IPO11: variants seen among roughly 807,000 people sequenced by gnomAD.
IPO11 encodes the protein importin 11.
A neutral mutation model predicts 143.2 loss-of-function variants in IPO11; 66 were observed. The ratio of observed to expected loss-of-function variants is 0.46; its 90% CI spans 0.38 to 0.57. The LOEUF is 0.57. IPO11 is among the 20% of genes least tolerant of loss of function. The pLI is 0.00. For missense variants in IPO11, 1,026 were observed against 1,141.0 expected, an observed-to-expected ratio of 0.90 and a Z score of 1.45; for synonymous variants, 385 against 377.8, an observed-to-expected ratio of 1.02 and a Z score of -0.22.
chr5:62,569,613 G>C (rs1269272617), intron 27 of IPO11, among the ~76,000 whole-genome samples: 1 of 152,158 alleles, frequency 6.6e-6, no homozygotes. Context: ...AGTAACAAGG[G>C]GAGGGTTCTT....
At chr5:62,514,720 G>A (rs115337845) in intron 19 of IPO11, among the ~76,000 whole-genome samples, 137 of 152,314 alleles carry the variant, frequency 9.0e-4, no homozygotes, top group Middle Eastern at 3.4e-3. Context: ...AAATACTGGA[G>A]CTGAAACGCT....
At chr5:62,442,799 G>A (rs1323939202) in intron 2 of IPO11, among the ~76,000 whole-genome samples, 184 bp from the exon 3 acceptor site, 6 of 152,082 alleles carry the variant, frequency 3.9e-5, no homozygotes, top group African/African-American at 1.4e-4. Flanking sequence ...GGGAGGCGGA[G>A]GTTGCAGTGA....
rs187710837 is a variant in IPO11, at chr5:62,470,391, A to G, written c.708+83A>G. On this transcript the variant is annotated intron_variant, in intron 7 of 29. Coordinates refer to ENST00000325324, the MANE Select transcript of IPO11 (RefSeq NM_016338.5). ...TGAAAGAGTGCTCTTTTTATTTGGC[A>G]TTCAATTAGAAGAGTTTTTATTAAG... 1.5e-5 allele frequency: 18 copies of G among 1,190,846 alleles called. No homozygotes were observed. The Admixed American group carries it at 1.6e-4, about 11-fold the overall frequency. 73.8% of individuals were successfully genotyped at this position (1,190,846 alleles called of 1,614,324 possible).
chr5:62,517,595 G>A (rs1003112023), intron 20 of IPO11, among the ~76,000 whole-genome samples: 2 of 152,098 alleles, frequency 1.3e-5, no homozygotes, highest in African/African-American at 4.8e-5. Context: ...TAGAGATGGG[G>A]TTTCTCCATG....
At chr5:62,491,670 T>G (rs1293373140) in intron 15 of IPO11, among the ~76,000 whole-genome samples, 1 of 150,640 alleles carries the variant, frequency 6.6e-6, no homozygotes, top group Non-Finnish European at 1.5e-5. Flanking sequence ...TAATAAGTTT[T>G]TTTTTTTTTT....
At chr5:62,589,235 T>C (rs1321728438) in intron 27 of IPO11, among the ~76,000 whole-genome samples, 1 of 152,174 alleles carries the variant, frequency 6.6e-6, no homozygotes, top group African/African-American at 2.4e-5. Context: ...ATTACCCTAT[T>C]GTTTCCCTCC....
intron 1 of IPO11, among the ~76,000 whole-genome samples, chr5:62,429,618 G>A (rs1041711478): frequency 6.7e-6 from 1 of 149,162 alleles, no homozygotes. Flanking sequence ...GTGTGTGTGT[G>A]TGTGTGTGTA....
At chr5:62,487,027 TAA>T (rs1168896498) in intron 12 of IPO11, among the ~76,000 whole-genome samples, 6 of 152,140 alleles carry the variant, frequency 3.9e-5, no homozygotes, top group Non-Finnish European at 8.8e-5. Context: ...AAAATTTAAA[TAA>T]AAAATTATTT....
At chr5:62,560,074 A>G (rs1317997997) in intron 26 of IPO11, among the ~76,000 whole-genome samples, 2 of 152,182 alleles carry the variant, frequency 1.3e-5, no homozygotes, top group African/African-American at 2.4e-5. Flanking sequence ...TGGCAAGACA[A>G]TTAAAGGTAC....
At chr5:62,418,928 C>A in intron 1 of IPO11, 1 of 1,455,916 alleles carries the variant, frequency 6.9e-7, no homozygotes. Context: ...GATACAGTCA[C>A]GAGTTGCTTA....
chr5:62,460,012 A>G, intron 5 of IPO11, among the ~76,000 whole-genome samples: 1 of 152,250 alleles, frequency 6.6e-6, no homozygotes, highest in East Asian at 1.9e-4. Flanking sequence ...CTAATAGTCA[A>G]CATTTTGCTG....
At chr5:62,465,620 A>G (rs1004680772) in intron 5 of IPO11, among the ~76,000 whole-genome samples, 8 of 152,204 alleles carry the variant, frequency 5.3e-5, no homozygotes, top group Non-Finnish European at 1.0e-4. Context: ...ATTAGTATTC[A>G]ACAGTTTGAT....
At chr5:62,579,985 C>A in intron 27 of IPO11, 1 of 1,551,160 alleles carries the variant, frequency 6.4e-7, no homozygotes, top group South Asian at 1.2e-5. Flanking sequence ...GGTTGCTCTT[C>A]GGATACTTGA....
chr5:62,523,602 C>A (rs1349859217), intron 20 of IPO11, among the ~76,000 whole-genome samples: 2 of 152,112 alleles, frequency 1.3e-5, no homozygotes, highest in Non-Finnish European at 2.9e-5. Flanking sequence ...GGAGATATTT[C>A]TTCTTCTTTG....
rs1329712729 is a variant in IPO11 at position 62,435,116 on chromosome 5, A to ATG, written c.-6-2156_-6-2155dup. Among the ~76,000 whole-genome samples, 364 of 52,006 alleles carry ATG rather than the reference A, an allele frequency of 7.0e-3. 5 individuals carry two copies. The highest frequency in any genetic ancestry group is 0.014 in the South Asian group (25 of 1,774). 34.1% of individuals were successfully genotyped at this position (52,006 alleles called of 152,430 possible). A position where few individuals can be genotyped will look rare whatever the true frequency, so the allele number is the denominator to read the frequency against. The stretch of plus-strand genomic sequence containing the variant: ...TGTATATATGTATATATATGTATAT[A>ATG]TGTATATATGTATATATATGTATAT... On this transcript the variant is annotated intron_variant, in intron 1 of 29. Transcript: ENST00000325324.
rs554363756 is a variant in IPO11, at chr5:62,467,341, T to C, written c.649+78T>C. ...CACCAAATAGTTCCTTTAGACGGGT[T>C]TTCTGTTCCCAGTTTCACTGGAAAA... is the stretch of plus-strand genomic sequence containing the variant. On this transcript the variant is annotated intron_variant, in intron 6 of 29. Coordinates refer to ENST00000325324, the MANE Select transcript of IPO11 (RefSeq NM_016338.5). 1.9e-5 allele frequency: 27 copies of C among 1,413,216 alleles called. No individual in the cohort carries two copies. In the African/African-American group the frequency reaches 3.9e-4, roughly 20 times the overall value. 87.5% of individuals were successfully genotyped at this position (1,413,216 alleles called of 1,614,324 possible). A position where few individuals can be genotyped will look rare whatever the true frequency, so the allele number is the denominator to read the frequency against.
intron 21 of IPO11, among the ~76,000 whole-genome samples, chr5:62,529,877 A>G (rs1580289007): frequency 7.0e-6 from 1 of 143,254 alleles, no homozygotes; most frequent in South Asian, 2.1e-4. Flanking sequence ...CCCACCGTGG[A>G]TGTGTATTAT....
chr5:62,513,939 C>T (rs1741896912), intron 19 of IPO11, among the ~76,000 whole-genome samples: 1 of 149,080 alleles, frequency 6.7e-6, no homozygotes, highest in South Asian at 2.1e-4. Context: ...CGAGGCGCTC[C>T]TCACATCCCA....
At chr5:62,531,907 G>T (rs1580291928) in intron 22 of IPO11, among the ~76,000 whole-genome samples, 1 of 152,168 alleles carries the variant, frequency 6.6e-6, no homozygotes, top group Non-Finnish European at 1.5e-5. Flanking sequence ...CAAAGATGAA[G>T]TCAGTGGCAA....
Sources: allele counts gnomAD v4.1 joint callset (sites outside exome capture counted in the v4.1 genomes callset), GRCh38; gene constraint gnomAD v4.1.1; transcripts MANE v1.5; gene names NCBI Gene and HGNC (gene_info 2026-07-23, HGNC 2026-07-21).